CDC42BPA: variants seen among roughly 807,000 people sequenced by gnomAD.
CDC42BPA encodes the protein serine/threonine-protein kinase MRCK alpha.
In CDC42BPA, 80 loss-of-function variants were observed where a neutral mutation model predicts 223.5. The observed-to-expected ratio is 0.36, with a 90% CI of 0.30 to 0.43. The LOEUF (loss-of-function observed/expected upper bound fraction) is 0.43, where lower values mean the gene tolerates loss of function less well. CDC42BPA is among the 20% of genes least tolerant of loss of function. The pLI is 1.00. For synonymous variants in CDC42BPA, 694 were observed against 718.6 expected (o/e 0.97, Z 0.55); for missense variants, 1,743 against 2,099.9 (o/e 0.83, Z 3.32).
intron 18 of CDC42BPA, 32 bp from the exon 19 acceptor site, chr1:227,074,044 T>C (rs373585630): frequency 2.0e-5 from 32 of 1,597,638 alleles, no homozygotes; most frequent in Non-Finnish European, 2.6e-5. Flanking sequence ...TTTAGTTCCA[T>C]CCTATTTTTA....
rs1292662938 is a variant in CDC42BPA at position 227,069,978 on chromosome 1, T to C, written c.2828-125A>G. The C allele has an allele frequency of 1.5e-5, 8 of 550,258 alleles. No homozygotes were observed. The South Asian group carries it at 2.0e-4, about 14-fold the overall frequency. The allele number at this position is 550,258 out of a possible 1,614,324, so 34.1% of individuals were successfully genotyped here. A position where few individuals can be genotyped will look rare whatever the true frequency, so the allele number is the denominator to read the frequency against. On this transcript the variant is annotated intron_variant, in intron 20 of 36. Transcript: ENST00000366766. ...TACTGTATTTCAAAGTTGATCACTA[T>C]AATTAACTCTACATTTAAACAAAAC...
At chr1:227,253,784 C>G (rs1477148778) in intron 2 of CDC42BPA, among the ~76,000 whole-genome samples, 4 of 151,888 alleles carry the variant, frequency 2.6e-5, no homozygotes, top group African/African-American at 4.8e-5. Flanking sequence ...ACCAACAGAA[C>G]AAAAGAAGAG....
At chr1:227,121,271 G>A (rs1174958127) in intron 11 of CDC42BPA, among the ~76,000 whole-genome samples, 1 of 152,200 alleles carries the variant, frequency 6.6e-6, no homozygotes, top group African/African-American at 2.4e-5. Flanking sequence ...ACATTAATGT[G>A]TGGGAACCAG....
chr1:227,012,937 G>T (rs1296162452), intron 34 of CDC42BPA, among the ~76,000 whole-genome samples: 2 of 152,058 alleles, frequency 1.3e-5, no homozygotes, highest in Non-Finnish European at 2.9e-5. Context: ...ATAAATATTT[G>T]TTAGATGATT....
At chr1:227,054,032 AAAT>A (rs1433997448) in intron 21 of CDC42BPA, among the ~76,000 whole-genome samples, 1 of 152,194 alleles carries the variant, frequency 6.6e-6, no homozygotes. Flanking sequence ...AAACTGACTG[AAAT>A]GTCATCTCAA....
chr1:227,083,556 T>A (rs1187829635), intron 16 of CDC42BPA, among the ~76,000 whole-genome samples: 6 of 152,178 alleles, frequency 3.9e-5, no homozygotes, highest in Non-Finnish European at 7.4e-5. Context: ...TTGATTTTGT[T>A]TTTGCTGTTG....
At chr1:227,157,167 TAAGA>T (rs972908961) in intron 6 of CDC42BPA, among the ~76,000 whole-genome samples, 1 of 152,214 alleles carries the variant, frequency 6.6e-6, no homozygotes, top group African/African-American at 2.4e-5. Flanking sequence ...GTAAATTAAA[TAAGA>T]AAGACAGTAT....
At chr1:227,290,571 A>G (rs1458878989) in intron 1 of CDC42BPA, among the ~76,000 whole-genome samples, 3 of 152,256 alleles carry the variant, frequency 2.0e-5, no homozygotes, top group Non-Finnish European at 2.9e-5. Context: ...TATGACATAC[A>G]TAAAAAGACA....
rs1408439083 is a variant in CDC42BPA at position 226,994,167 on chromosome 1, G to A, written c.*101C>T. 5 of 1,184,982 alleles carry A rather than the reference G, an allele frequency of 4.2e-6. No individual in the cohort carries two copies. In the African/African-American group the frequency reaches 6.2e-5, roughly 15 times the overall value. The allele number at this position is 1,184,982 out of a possible 1,614,324, so 73.4% of individuals were successfully genotyped here. On this transcript the variant is annotated 3_prime_UTR_variant, in exon 37 of 37. Transcript: ENST00000366766. The surrounding 1 kb of genome is among the most constrained non-coding windows in gnomAD (Gnocchi z 4.0). ...GTCCTGCTACTGCTGCCAGCCCCTGGTGGCTTTCAGGCCGAGCAGGCGAGG... is the reference window on the plus strand; with the variant it reads ...GTCCTGCTACTGCTGCCAGCCCCTGATGGCTTTCAGGCCGAGCAGGCGAGG...
chr1:227,308,646 A>G (rs569071551), intron 1 of CDC42BPA, among the ~76,000 whole-genome samples: 5 of 152,326 alleles, frequency 3.3e-5, no homozygotes, highest in African/African-American at 9.6e-5. Flanking sequence ...ATTTTTCATA[A>G]AGAGACATAG....
chr1:227,277,672 T>C (rs1038948463), intron 1 of CDC42BPA, among the ~76,000 whole-genome samples: 2 of 152,206 alleles, frequency 1.3e-5, no homozygotes, highest in African/African-American at 4.8e-5. Flanking sequence ...TGCAAACAAT[T>C]GATAAAATTC....
At chr1:227,151,448 C>A (rs1200434489) in intron 6 of CDC42BPA, among the ~76,000 whole-genome samples, 1 of 152,142 alleles carries the variant, frequency 6.6e-6, no homozygotes, top group Admixed American at 6.6e-5. Context: ...AATGAGTGTA[C>A]AAATGTATGT....
intron 11 of CDC42BPA, among the ~76,000 whole-genome samples, chr1:227,128,186 A>G (rs1275576440): frequency 6.6e-6 from 1 of 152,128 alleles, no homozygotes; most frequent in Non-Finnish European, 1.5e-5. Flanking sequence ...CCTGGGGCAC[A>G]TTTGATTTTA....
chr1:227,057,604 C>A (rs1377936561), intron 21 of CDC42BPA, among the ~76,000 whole-genome samples: 4 of 152,136 alleles, frequency 2.6e-5, no homozygotes, highest in Non-Finnish European at 1.5e-5. Flanking sequence ...GGCACTATTA[C>A]TTTTCAGTGG....
chr1:227,004,371 C>T (rs1663572056), intron 35 of CDC42BPA: 1 of 155,912 alleles, frequency 6.4e-6, no homozygotes, highest in Non-Finnish European at 1.4e-5. Context: ...GGCTTCCACT[C>T]TTCCTGCCTC....
At chr1:227,267,141 T>G (rs1558909713) in intron 1 of CDC42BPA, among the ~76,000 whole-genome samples, 1 of 152,210 alleles carries the variant, frequency 6.6e-6, no homozygotes, top group Non-Finnish European at 1.5e-5. Context: ...AATGCTTAAT[T>G]TATGCATTTT....
chr1:227,183,013 G>A (rs763165042), intron 5 of CDC42BPA: 2 of 152,134 alleles, frequency 1.3e-5, no homozygotes, highest in Non-Finnish European at 2.9e-5. Flanking sequence ...CTGGTTTTCC[G>A]GCTTTCAAAC....
intron 6 of CDC42BPA, among the ~76,000 whole-genome samples, chr1:227,148,485 TA>T (rs1390498336): frequency 6.6e-6 from 1 of 152,100 alleles, no homozygotes; most frequent in Non-Finnish European, 1.5e-5. Flanking sequence ...TCTGAATAAT[TA>T]GGATAAACTT....
intron 2 of CDC42BPA, among the ~76,000 whole-genome samples, chr1:227,231,918 C>T (rs990680776): frequency 6.6e-6 from 1 of 152,160 alleles, no homozygotes; most frequent in East Asian, 1.9e-4. Flanking sequence ...CAAAAATTTT[C>T]TCCCATTCTG....
Sources: allele counts gnomAD v4.1 joint callset (sites outside exome capture counted in the v4.1 genomes callset), GRCh38; gene constraint gnomAD v4.1.1; non-coding constraint Gnocchi (gnomAD v3.1); transcripts MANE v1.5; gene names NCBI Gene and HGNC (gene_info 2026-07-23, HGNC 2026-07-21).